ZNF582: variants seen among roughly 807,000 people sequenced by gnomAD.
ZNF582 encodes zinc finger protein 582.
Under a neutral mutation model 12.3 loss-of-function variants are expected in ZNF582, and 14 were observed. That is an observed-to-expected ratio of 1.14 (90% CI 0.75 to 1.78). The LOEUF (loss-of-function observed/expected upper bound fraction) is 1.78. ZNF582 is among the 40% of genes most tolerant of loss of function. The probability of loss-of-function intolerance (pLI) is 0.00; values close to 1 mark genes in which losing one functional copy is unlikely to be tolerated. For missense variants in ZNF582, 567 were observed against 616.5 expected (o/e 0.92, Z 0.85); for synonymous variants, 210 against 207.2 (o/e 1.01, Z -0.11).
exon 5 of ZNF582, chr19:56,382,831 C>CGAG (rs1421566726): frequency 6.6e-6 from 1 of 152,144 alleles, no homozygotes; most frequent in Non-Finnish European, 1.5e-5. Context: ...GTAGCTGAGT[C>CGAG]TTCTCAGGCT....
At chr19:56,388,204 C>A (rs1266278771) in intron 4 of ZNF582, 2 of 152,032 alleles carry the variant, frequency 1.3e-5, no homozygotes, top group African/African-American at 2.4e-5. Context: ...CTGGGCAAGT[C>A]TGGAAAACTA....
At chr19:56,389,541 G>A (rs1165584474) in intron 4 of ZNF582, among the ~76,000 whole-genome samples, 1 of 152,102 alleles carries the variant, frequency 6.6e-6, no homozygotes, top group African/African-American at 2.4e-5. Context: ...GTTGGGCGGA[G>A]GGAGAGAATC....
intron 3 of ZNF582, 127 bp from the exon 4 acceptor site, chr19:56,390,223 G>A: frequency 3.7e-6 from 5 of 1,343,922 alleles, no homozygotes; most frequent in Non-Finnish European, 5.2e-6. Flanking sequence ...ACAGTTGCCT[G>A]GGGGTAGGGG....
chr19:56,385,312 G>C, intron 4 of ZNF582, 128 bp from the exon 5 acceptor site: 1 of 949,938 alleles, frequency 1.1e-6, no homozygotes, highest in Non-Finnish European at 1.5e-6. Flanking sequence ...ATTATAAAAT[G>C]GACAAGTAGA....
chr19:56,382,771 A>G (rs1307022233), exon 5 of ZNF582: 1 of 152,174 alleles, frequency 6.6e-6, no homozygotes, highest in Non-Finnish European at 1.5e-5. Context: ...ATCAAGTTTT[A>G]TTTTTCTCAG....
At chr19:56,390,124 G>A in intron 3 of ZNF582, 28 bp from the exon 4 acceptor site, 1 of 1,607,822 alleles carries the variant, frequency 6.2e-7, no homozygotes, top group African/African-American at 1.3e-5. Flanking sequence ...CATGCCACCT[G>A]GTTATGGTGT....
chr19:56,389,887 G>GGTGT, intron 4 of ZNF582, 114 bp downstream of exon 4: 1 of 752,654 alleles, frequency 1.3e-6, no homozygotes, highest in Non-Finnish European at 2.2e-6. Flanking sequence ...CAACACGTAA[G>GGTGT]ACATAAGCTT....
At chr19:56,385,255 G>A in intron 4 of ZNF582, 71 bp from the exon 5 acceptor site, 1 of 1,463,278 alleles carries the variant, frequency 6.8e-7, no homozygotes, top group Non-Finnish European at 9.0e-7. Context: ...AATAAGAACT[G>A]GAGGGTTTAG....
intron 1 of ZNF582, among the ~76,000 whole-genome samples, chr19:56,393,001 A>T (rs1216660001): frequency 6.6e-6 from 1 of 152,210 alleles, no homozygotes; most frequent in East Asian, 1.9e-4. Context: ...GATCCACTCA[A>T]GTGTTTCCCC....
intron 4 of ZNF582, chr19:56,386,224 C>A (rs931148003): frequency 9.8e-5 from 15 of 152,314 alleles, no homozygotes; most frequent in South Asian, 2.1e-4. Flanking sequence ...GAGGAATATG[C>A]TGGTACAGTG....
At chr19:56,384,854 T>G in exon 5 of ZNF582, 1 of 1,609,484 alleles carries the variant, frequency 6.2e-7, no homozygotes, top group Non-Finnish European at 8.5e-7. Context: ...TCCTTGATGA[T>G]TAATAAGGAG....
At chr19:56,383,634 T>A (rs150611967) in exon 5 of ZNF582, 13 of 396,870 alleles carry the variant, frequency 3.3e-5, no homozygotes, top group African/African-American at 1.6e-4. Flanking sequence ...ATTACTACAC[T>A]GTGGTTAGAA....
exon 5 of ZNF582, chr19:56,383,820 G>T: frequency 2.0e-6 from 3 of 1,507,556 alleles, no homozygotes; most frequent in Non-Finnish European, 2.6e-6. Flanking sequence ...CATTCTTCAA[G>T]TCTTTCTCCA....
intron 3 of ZNF582, 111 bp from the exon 4 acceptor site, chr19:56,390,207 G>T (rs117624882): frequency 1.8e-5 from 25 of 1,351,786 alleles, no homozygotes; most frequent in Non-Finnish European, 2.4e-5. Context: ...GCCAGAGGAA[G>T]ATGGGACAGT....
intron 4 of ZNF582, 75 bp from the exon 5 acceptor site, chr19:56,385,259 G>A: frequency 1.4e-6 from 2 of 1,435,388 alleles, no homozygotes; most frequent in East Asian, 2.3e-5. Flanking sequence ...AGAACTGGAG[G>A]GTTTAGACTC....
exon 5 of ZNF582, chr19:56,383,816 T>TC: frequency 6.6e-7 from 1 of 1,506,568 alleles, no homozygotes; most frequent in Non-Finnish European, 8.8e-7. Flanking sequence ...ATTACATTCT[T>TC]CAAGTCTTTC....
In ZNF582 at chr19:56,384,310, GCACT is replaced by G; in HGVS notation, c.1103_1106del (p.Glu368AlafsTer10). On this transcript the variant is annotated frameshift_variant, in exon 5 of 5. Transcript: ENST00000586929. LOFTEE classifies it low-confidence loss of function (END_TRUNC). ...CTCTAAAGGCCTTTCCACATACTTT[GCACT>G]CATAGGGTTTCTCACCGGTATGAAT... is the stretch of plus-strand genomic sequence containing the variant. 6.2e-7 allele frequency: 1 copy of G among 1,612,588 alleles called. No individual in the cohort carries two copies. Among genetic ancestry groups the G allele is most frequent in the Non-Finnish European group, 8.5e-7 (1 of 1,179,642 alleles).
At chr19:56,389,354 G>A (rs887249833) in intron 4 of ZNF582, among the ~76,000 whole-genome samples, 5 of 152,152 alleles carry the variant, frequency 3.3e-5, no homozygotes, top group African/African-American at 9.7e-5. Context: ...ATGGTCAAAG[G>A]ACAAGATCAT....
chr19:56,388,694 T>G lies in ZNF582; in HGVS notation c.232+1307A>C, dbSNP rs191990397. Among the ~76,000 whole-genome samples the G allele has an allele frequency of 4.0e-4, 61 of 152,232 alleles. No individual in the cohort carries two copies. In the East Asian group the frequency reaches 4.1e-3, roughly 10 times the overall value. ...GTTGCCCCAGCTGGAGCGCAGTGGT[T>G]CGATCTCGGATCACTGCAATCTCCG... On this transcript the variant is annotated intron_variant, in intron 4 of 4. Coordinates refer to ENST00000586929, the Ensembl canonical transcript of ZNF582.
Sources: gnomAD v4.1 joint callset for allele counts (sites outside exome capture counted in the v4.1 genomes callset) on GRCh38, gnomAD v4.1.1 for gene constraint, MANE v1.5 for transcripts, NCBI Gene and HGNC (gene_info 2026-07-23, HGNC 2026-07-21) for gene names.